The following DLK1 variants were observed in gnomAD, a reference collection of about 807,000 sequenced individuals.
The protein encoded by DLK1 is protein delta homolog 1.
Under a neutral mutation model 35.2 loss-of-function variants are expected in DLK1, and 9 were observed. The observed-to-expected ratio is 0.26, with a 90% CI of 0.15 to 0.45. The LOEUF (loss-of-function observed/expected upper bound fraction) is 0.45. Among genes scored for constraint, DLK1 ranks in the 20% least tolerant of loss-of-function variants. DLK1 has a pLI of 1.00. For synonymous variants in DLK1, 231 were observed against 228.4 expected (o/e 1.01, Z -0.10); for missense variants, 522 against 528.5 (o/e 0.99, Z 0.12).
At position 100,735,635 on chromosome 14, in the gene DLK1, T is replaced by A. The variant is rs2036564413; in HGVS notation, c.*739T>A. On this transcript the variant is annotated 3_prime_UTR_variant, in exon 5 of 5. Transcript: ENST00000341267. ...ACTCTGAATTAGGAACGAGGGGGTA[T>A]GAACCAAAACACTTCCTGACCCCAA... 6.6e-6 allele frequency: 1 copy of A among 152,164 alleles called. No homozygotes were observed. The highest frequency in any genetic ancestry group is 2.1e-4 in the South Asian group (1 of 4,826). 9.4% of individuals were successfully genotyped at this position (152,164 alleles called of 1,614,324 possible).
chr14:100,727,287 C>T (rs1327938622), intron 1 of DLK1, 152 bp downstream of exon 1: 2 of 835,824 alleles, frequency 2.4e-6, no homozygotes, highest in Non-Finnish European at 3.4e-6. Context: ...TCTCGCCCTA[C>T]CCACCACGCT....
intron 4 of DLK1, among the ~76,000 whole-genome samples, chr14:100,732,645 T>A (rs1274118355): frequency 6.6e-6 from 1 of 152,110 alleles, no homozygotes; most frequent in Non-Finnish European, 1.5e-5. Context: ...GGTGAAGAGA[T>A]TGGGCTTCTG....
chr14:100,729,226 G>T, intron 3 of DLK1, 160 bp downstream of exon 3: 1 of 1,286,232 alleles, frequency 7.8e-7, no homozygotes, highest in Middle Eastern at 1.8e-4. Context: ...ATTTCCTGTG[G>T]GTACCGAATG....
intron 3 of DLK1, among the ~76,000 whole-genome samples, chr14:100,731,549 C>A (rs148655164): frequency 6.6e-6 from 1 of 152,140 alleles, no homozygotes; most frequent in Admixed American, 6.5e-5. Context: ...CCATCCCCCC[C>A]ACTGCCCCTC....
chr14:100,732,108 T>G lies in DLK1; in HGVS notation c.329T>G (p.Leu110Arg). 1 of 1,614,018 alleles carries G rather than the reference T, an allele frequency of 6.2e-7. No homozygotes were observed. The highest frequency in any genetic ancestry group is 1.1e-5 in the South Asian group (1 of 91,060). Residue 110 changes from leucine (L) to arginine (R), a missense_variant, in exon 4 of 5, where the codon CTC becomes CGC. Transcript: ENST00000341267. ...ACCTGCGTGAGCCTGGACGATGGCC[T>G]CTATGAATGCTCCTGTGCCCCCGGG... ...NRTCVSLDDG[L>R]YECSCAPGYS...
intron 3 of DLK1, 140 bp from the exon 4 acceptor site, chr14:100,731,902 T>G: frequency 2.7e-6 from 3 of 1,104,412 alleles, no homozygotes; most frequent in Non-Finnish European, 3.7e-6. Flanking sequence ...CTTCATGGGT[T>G]TTTTTGAGGG....
chr14:100,730,908 C>G (rs891368647), intron 3 of DLK1, among the ~76,000 whole-genome samples: 1 of 152,174 alleles, frequency 6.6e-6, no homozygotes, highest in African/African-American at 2.4e-5. Context: ...GGGTGTGGGT[C>G]TCTCTGAGAG....
rs1030350283 is a variant in DLK1 at position 100,734,524 on chromosome 14, C to T, written c.780C>T (p.Ser260=). Residue 260 remains serine (S), a synonymous_variant, in exon 5 of 5, where the codon AGC becomes AGT. Transcript: ENST00000341267. This position sits in a 1 kb window ranked among gnomAD's most constrained non-coding sequence, Gnocchi z 7.4. ...CCCAGCAGGTCACCCGTCTGCCCAG[C>T]GGCTATGGGCTGGCCTACCGCCTGA... The part of the protein sequence containing the change: ...LSPQQVTRLP[S]GYGLAYRLTP... 2.1e-5 allele frequency: 34 copies of T among 1,611,404 alleles called. No homozygotes were observed. In the East Asian group the frequency reaches 2.5e-4, roughly 12 times the overall value.
chr14:100,734,358 G>T lies in DLK1; in HGVS notation c.614G>T (p.Cys205Phe). The T allele has an allele frequency of 6.2e-7, 1 of 1,612,558 alleles. No homozygotes were observed. The highest frequency in any genetic ancestry group is 8.5e-7 in the Non-Finnish European group (1 of 1,179,638). Residue 205 changes from cysteine (C) to phenylalanine (F), a missense_variant, in exon 5 of 5, where the codon TGC becomes TTC. Cys to Phe is a radical substitution (Grantham distance 205, BLOSUM62 -2). Coordinates refer to ENST00000341267, the MANE Select transcript of DLK1 (RefSeq NM_003836.7). This position sits in a 1 kb window ranked among gnomAD's most constrained non-coding sequence, Gnocchi z 7.4. ...CCAGCCGGCTTCATCGACAAGACCT[G>T]CAGCCGCCCGGTGACCAACTGCGCC... The part of the protein sequence containing the change: ...RCPAGFIDKT[C>F]SRPVTNCASS...
chr14:100,737,895 G>C lies in DLK1; in HGVS notation c.*2999G>C, dbSNP rs188638712. 112 of 152,276 alleles carry C rather than the reference G, an allele frequency of 7.4e-4. No individual in the cohort carries two copies. Among genetic ancestry groups the C allele is most frequent in the African/African-American group, 2.6e-3 (107 of 41,546 alleles). The allele number at this position is 152,276 out of a possible 1,614,324, so 9.4% of individuals were successfully genotyped here. On this transcript the variant is annotated 3_prime_UTR_variant, in exon 5 of 5. Coordinates refer to ENST00000341267, the MANE Select transcript of DLK1 (RefSeq NM_003836.7). Reference sequence around the variant, plus strand: ...GAAGCAGTGTCAGCAGCCTCGCCACGGTCTTCACGTCATGCAGAAATGGTC... The same window carrying C: ...GAAGCAGTGTCAGCAGCCTCGCCACCGTCTTCACGTCATGCAGAAATGGTC...
chr14:100,727,212 A>ACGCCC, intron 1 of DLK1, 77 bp downstream of exon 1: 3 of 1,413,146 alleles, frequency 2.1e-6, no homozygotes, highest in Non-Finnish European at 2.8e-6. Context: ...GGTGCCCCGC[A>ACGCCC]CGCCCCGTCT....
At position 100,729,041 on chromosome 14, in the gene DLK1, C is replaced by G; in HGVS notation, c.237C>G (p.Gly79=). 2 of 1,614,042 alleles carry G rather than the reference C, an allele frequency of 1.2e-6. No homozygotes were observed. Among genetic ancestry groups the G allele is most frequent in the Non-Finnish European group, 1.7e-6 (2 of 1,180,050 alleles). ...CCGGGCAGTGCATTTGCACCGACGG[C>G]TGGGACGGGGAGCTCTGTGATAGAG... ...GEPGQCICTD[G]WDGELCDRDV... Residue 79 remains glycine (G), a synonymous_variant, in exon 3 of 5, where the codon GGC becomes GGG. Transcript: ENST00000341267.
intron 4 of DLK1, among the ~76,000 whole-genome samples, chr14:100,733,774 G>C (rs2036535265): frequency 1.3e-5 from 2 of 152,220 alleles, no homozygotes; most frequent in South Asian, 4.1e-4. Context: ...AGTTTCCCCA[G>C]TTGGCTAGTG....
intron 1 of DLK1, among the ~76,000 whole-genome samples, chr14:100,727,757 G>A (rs2036453715): frequency 6.6e-6 from 1 of 152,160 alleles, no homozygotes; most frequent in Non-Finnish European, 1.5e-5. Context: ...CACACAGTAG[G>A]TGCCTGTTAA....
chr14:100,734,152 C>T lies in DLK1; in HGVS notation c.408C>T (p.Ser136=), dbSNP rs1190074534. The T allele has an allele frequency of 6.2e-7, 1 of 1,601,374 alleles. No homozygotes were observed. The highest frequency in any genetic ancestry group is 1.7e-5 in the Admixed American group (1 of 59,066). The change falls in exon 5 of 5, where the codon TCC becomes TCT. Residue 136 remains serine, a synonymous_variant. Coordinates refer to ENST00000341267, the MANE Select transcript of DLK1 (RefSeq NM_003836.7). The surrounding 1 kb of genome is among the most constrained non-coding windows in gnomAD (Gnocchi z 7.4). ...KKDGPCVING[S]PCQHGGTCVD... ...CTATGTCCCTGTTGTGTTGCAGCTC[C>T]CCCTGCCAGCACGGAGGCACCTGCG...
Position 100,734,245 on chromosome 14 carries a change from C to T in DLK1, c.501C>T (p.Cys167=), listed in dbSNP as rs772453703. The part of the protein sequence containing the change: ...LCPPGFSGNF[C]EIVANSCTPN... ...CCCCTGGCTTCTCAGGCAATTTCTGCGAGATCGTGGCCAACAGCTGCACCC... is the reference window on the plus strand; with the variant it reads ...CCCCTGGCTTCTCAGGCAATTTCTGTGAGATCGTGGCCAACAGCTGCACCC... The change falls in exon 5 of 5, where the codon TGC becomes TGT. Residue 167 remains cysteine (C), a synonymous_variant. Transcript: ENST00000341267. The surrounding 1 kb of genome is among the most constrained non-coding windows in gnomAD (Gnocchi z 7.4). 9.3e-6 allele frequency: 15 copies of T among 1,613,318 alleles called. No individual in the cohort carries two copies. The highest frequency in any genetic ancestry group is 5.5e-5 in the South Asian group (5 of 91,088).
In DLK1 at chr14:100,735,079, T is replaced by G; in HGVS notation, c.*183T>G. 1.6e-6 allele frequency: 1 copy of G among 611,848 alleles called. No homozygotes were observed. Among genetic ancestry groups the G allele is most frequent in the Non-Finnish European group, 2.6e-6 (1 of 383,728 alleles). The allele number at this position is 611,848 out of a possible 1,614,324, so 37.9% of individuals were successfully genotyped here. A position where few individuals can be genotyped will look rare whatever the true frequency, so the allele number is the denominator to read the frequency against. On this transcript the variant is annotated 3_prime_UTR_variant, in exon 5 of 5. Transcript: ENST00000341267. ...ATGCAAAAACAATCCTCTTTCTCTC[T>G]CTTAATGCATGATACAGAATAATAA...
At chr14:100,730,538 G>A (rs887750541) in intron 3 of DLK1, among the ~76,000 whole-genome samples, 5 of 152,212 alleles carry the variant, frequency 3.3e-5, no homozygotes, top group African/African-American at 1.2e-4. Flanking sequence ...TCCCAGCAGA[G>A]ACCCCCAAGC....
intron 4 of DLK1, among the ~76,000 whole-genome samples, chr14:100,733,825 G>T (rs2036535682): frequency 6.6e-6 from 1 of 151,824 alleles, no homozygotes; most frequent in African/African-American, 2.4e-5. Flanking sequence ...GAGAGGTGCA[G>T]TAAGAGGTGG....
Sources: allele counts gnomAD v4.1 joint callset (sites outside exome capture counted in the v4.1 genomes callset), GRCh38; gene constraint gnomAD v4.1.1; non-coding constraint Gnocchi (gnomAD v3.1); transcripts MANE v1.5; gene names NCBI Gene and HGNC (gene_info 2026-07-23, HGNC 2026-07-21).